The following TGFBRAP1 variants were observed in gnomAD, a reference collection of about 807,000 sequenced individuals.
TGFBRAP1 encodes transforming growth factor beta receptor associated protein 1.
In TGFBRAP1, 20 loss-of-function variants were observed where a neutral mutation model predicts 83.2. The ratio of observed to expected loss-of-function variants is 0.24; its 90% CI spans 0.17 to 0.35. TGFBRAP1 has a LOEUF of 0.35. Among genes scored for constraint, TGFBRAP1 ranks in the 10% least tolerant of loss-of-function variants. The pLI, the probability that TGFBRAP1 is intolerant of heterozygous loss-of-function variation, is 1.00. For synonymous variants in TGFBRAP1, 415 were observed against 459.8 expected, an observed-to-expected ratio of 0.90 and a Z score of 1.25; for missense variants, 950 against 1,099.4, an observed-to-expected ratio of 0.86 and a Z score of 1.92.
At chr2:105,307,588 C>A in intron 2 of TGFBRAP1, 26 bp downstream of exon 2, 1 of 1,576,496 alleles carries the variant, frequency 6.3e-7, no homozygotes, top group South Asian at 1.2e-5. Context: ...CCAAAAAGAT[C>A]AGGCGCACAA....
At position 105,311,685 on chromosome 2, in the gene TGFBRAP1, G is replaced by C. The variant is rs1391528981; in HGVS notation, c.-17-3367C>G. On this transcript the variant is annotated intron_variant, in intron 1 of 11. Transcript: ENST00000393359. ...AGGCTGAGGCAGGCGGATCACCTGA[G>C]GTCAGGAGTTCAAGACCAGCCTGCC... 2.0e-5 allele frequency among the ~76,000 whole-genome samples: 3 copies of C among 152,044 alleles called. No homozygotes were observed. The East Asian group carries it at 5.8e-4, about 29-fold the overall frequency.
chr2:105,309,249 G>A (rs1319060742), intron 1 of TGFBRAP1, among the ~76,000 whole-genome samples: 1 of 152,244 alleles, frequency 6.6e-6, no homozygotes. Context: ...CCCTGTGAGC[G>A]GGAGCAGGGC....
At chr2:105,252,184 C>T in the TGFBRAP1 span, among the ~76,000 whole-genome samples, 36,620 of 152,166 alleles carry the variant, frequency 0.24, 5,522 homozygotes, top group South Asian at 0.43. Context: ...TGCCGTATTT[C>T]CTCCTTTTGG....
At chr2:105,273,713 G>A in intron 8 of TGFBRAP1, 23 bp from the exon 9 acceptor site, 6 of 1,609,832 alleles carry the variant, frequency 3.7e-6, no homozygotes, top group East Asian at 2.2e-5. Flanking sequence ...CGACAATACA[G>A]TGACTGTGCT....
At chr2:105,296,756 CTTTTT>C (rs60031957) in intron 3 of TGFBRAP1, among the ~76,000 whole-genome samples, 846 of 73,170 alleles carry the variant, frequency 0.012, 1 homozygote, top group African/African-American at 0.038. Flanking sequence ...CTTTTTTTGC[CTTTTT>C]TTTTTTTTTT....
intron 2 of TGFBRAP1, among the ~76,000 whole-genome samples, chr2:105,303,882 C>G (rs1171126072): frequency 2.0e-5 from 3 of 151,950 alleles, no homozygotes; most frequent in Admixed American, 1.3e-4. Context: ...TGTGGGACAC[C>G]ATACATGAAA....
chr2:105,273,641 T>C lies in TGFBRAP1; in HGVS notation c.1715A>G (p.Asn572Ser), dbSNP rs751031806. The C allele has an allele frequency of 6.2e-7, 1 of 1,614,084 alleles. No individual in the cohort carries two copies. The highest frequency in any genetic ancestry group is 8.5e-7 in the Non-Finnish European group (1 of 1,179,968). The part of the protein sequence containing the change: ...TKRPLDEQQK[N>S]SFNPDDIINC... ...GATAATGTCGTCTGGATTAAAACTG[T>C]TCTTCTGCTGTTCATCCAAAGGTCT... Residue 572 changes from asparagine (N) to serine (S), a missense_variant, in exon 9 of 12, where the codon AAC (asparagine) becomes AGC (serine). By Grantham distance (46) the Asn-to-Ser change is conservative (BLOSUM62 1). Coordinates refer to ENST00000393359, the MANE Select transcript of TGFBRAP1 (RefSeq NM_004257.6).
intron 3 of TGFBRAP1, 110 bp downstream of exon 3, chr2:105,298,401 T>C (rs1378325360): frequency 8.4e-7 from 1 of 1,186,484 alleles, no homozygotes; most frequent in Non-Finnish European, 1.2e-6. Flanking sequence ...TGGAGTCATC[T>C]GTGTATCTTT....
chr2:105,293,823 T>C (rs904575357), intron 4 of TGFBRAP1, among the ~76,000 whole-genome samples: 1 of 152,084 alleles, frequency 6.6e-6, no homozygotes, highest in African/African-American at 2.4e-5. Flanking sequence ...ATTCTTTCCT[T>C]GGTATTAAAA....
chr2:105,273,082 T>C, intron 9 of TGFBRAP1, 68 bp from the exon 10 acceptor site: 1 of 1,569,062 alleles, frequency 6.4e-7, no homozygotes, highest in Admixed American at 1.8e-5. Context: ...AGCTCTCCCC[T>C]GTCAGCCAGG....
intron 9 of TGFBRAP1, 24 bp downstream of exon 9, chr2:105,273,520 T>C (rs746209014): frequency 1.2e-6 from 2 of 1,612,736 alleles, no homozygotes; most frequent in South Asian, 2.2e-5. Context: ...CCACACTCTT[T>C]AGTCTAACTT....
chr2:105,316,462 T>TGTGTGTGTGTGTGTGTGCGC (rs1177329674), intron 1 of TGFBRAP1, among the ~76,000 whole-genome samples: 4 of 84,814 alleles, frequency 4.7e-5, no homozygotes, highest in African/African-American at 5.4e-5. Context: ...TGTGTGTGTG[T>TGTGTGTGTGTGTGTGTGCGC]GCGCGCGCGC....
intron 11 of TGFBRAP1, among the ~76,000 whole-genome samples, chr2:105,268,947 C>T (rs138416618): frequency 3.6e-4 from 55 of 152,306 alleles, no homozygotes; most frequent in African/African-American, 1.1e-3. Context: ...GCAAGCATGA[C>T]GTAAAATGCC....
chr2:105,323,383 C>T (rs574425724), intron 1 of TGFBRAP1, among the ~76,000 whole-genome samples: 1 of 152,316 alleles, frequency 6.6e-6, no homozygotes, highest in South Asian at 2.1e-4. Flanking sequence ...CCCCTTGGGA[C>T]TCAGTGCAAA....
chr2:105,280,850 G>T, intron 5 of TGFBRAP1, 127 bp from the exon 6 acceptor site: 2 of 1,048,922 alleles, frequency 1.9e-6, no homozygotes, highest in Non-Finnish European at 1.4e-6. Flanking sequence ...TGGGGACAGG[G>T]TAATCATGTC....
rs751000932 is a variant in TGFBRAP1 at position 105,298,477 on chromosome 2, T to A, written c.883+34A>T. On this transcript the variant is annotated intron_variant, in intron 3 of 11. Coordinates refer to ENST00000393359, the MANE Select transcript of TGFBRAP1 (RefSeq NM_004257.6). ...GAAGAAATATCATAAAAGAGTTAAG[T>A]AAATTTCACTAAGACTTCTATGTGA... 8 of 1,535,164 alleles carry A rather than the reference T, an allele frequency of 5.2e-6. No individual in the cohort carries two copies. The Admixed American group carries it at 1.7e-4, about 32-fold the overall frequency.
chr2:105,275,868 G>A (rs561286301), intron 7 of TGFBRAP1, among the ~76,000 whole-genome samples, 165 bp from the exon 8 acceptor site: 2 of 151,612 alleles, frequency 1.3e-5, no homozygotes, highest in East Asian at 3.9e-4. Flanking sequence ...TAGTTTTTTT[G>A]GAGAAATAAA....
rs561121121 is a variant in TGFBRAP1, at chr2:105,268,081, C to A, written c.2407-522G>T. 4.6e-5 allele frequency among the ~76,000 whole-genome samples: 7 copies of A among 152,306 alleles called. No individual in the cohort carries two copies. In the East Asian group the frequency reaches 1.3e-3, roughly 29 times the overall value. ...TAACTGGTGAAACTGAGTCTTAATGCCATCGGTCCCTGTCTGATCAACAGG... is the reference window on the plus strand; with the variant it reads ...TAACTGGTGAAACTGAGTCTTAATGACATCGGTCCCTGTCTGATCAACAGG... On this transcript the variant is annotated intron_variant, in intron 11 of 11. Transcript: ENST00000393359.
chr2:105,301,054 T>C (rs1365467916), intron 2 of TGFBRAP1, among the ~76,000 whole-genome samples: 2 of 151,936 alleles, frequency 1.3e-5, no homozygotes, highest in Non-Finnish European at 2.9e-5. Context: ...TGAAACCCGG[T>C]TGCTACAAAA....
Sources: allele counts gnomAD v4.1 joint callset (sites outside exome capture counted in the v4.1 genomes callset), GRCh38; gene constraint gnomAD v4.1.1; transcripts MANE v1.5; gene names NCBI Gene and HGNC (gene_info 2026-07-23, HGNC 2026-07-21).